Variants in ARFIP1 observed in about 807,000 individuals in gnomAD.
ARFIP1 encodes the protein arfaptin-1.
Under a neutral mutation model 42.5 loss-of-function variants are expected in ARFIP1, and 24 were observed. That is an observed-to-expected ratio of 0.57 (90% CI 0.41 to 0.80). ARFIP1 has a LOEUF of 0.80. Among genes scored for constraint, ARFIP1 ranks in the 30% least tolerant of loss-of-function variants. ARFIP1 has a pLI of 0.00. For missense variants in ARFIP1, 354 were observed against 434.0 expected, an observed-to-expected ratio of 0.82 and a Z score of 1.64; for synonymous variants, 141 against 153.7, an observed-to-expected ratio of 0.92 and a Z score of 0.61.
At chr4:152,840,713 C>CTTTTTTTT (rs764318893) in intron 2 of ARFIP1, among the ~76,000 whole-genome samples, 4 of 107,792 alleles carry the variant, frequency 3.7e-5, no homozygotes, top group Non-Finnish European at 7.3e-5. Context: ...GGCTCTGTAT[C>CTTTTTTTT]TTTTTTTTTT....
chr4:152,847,318 T>C (rs1732637421), intron 2 of ARFIP1, among the ~76,000 whole-genome samples: 1 of 151,216 alleles, frequency 6.6e-6, no homozygotes, highest in Non-Finnish European at 1.5e-5. Context: ...TTTTCAGTGG[T>C]GACAGGGTTT....
intron 2 of ARFIP1, among the ~76,000 whole-genome samples, chr4:152,857,275 C>T (rs60607606): frequency 0.014 from 2,143 of 152,222 alleles, 28 homozygotes; most frequent in African/African-American, 0.034. Context: ...TCTATTAGTG[C>T]GCTTAAACCG....
At chr4:152,862,108 G>A (rs914219180) in intron 2 of ARFIP1, among the ~76,000 whole-genome samples, 4 of 152,098 alleles carry the variant, frequency 2.6e-5, no homozygotes, top group Admixed American at 6.6e-5. Flanking sequence ...GACCTTTAGC[G>A]ACGTTGGCCA....
chr4:152,818,091 C>T (rs180864751), intron 1 of ARFIP1, among the ~76,000 whole-genome samples: 9 of 152,314 alleles, frequency 5.9e-5, no homozygotes, highest in Admixed American at 5.9e-4. Context: ...CCCAAGATGG[C>T]AGACTGGAGA....
At chr4:152,830,701 C>T (rs1168386515) in intron 2 of ARFIP1, among the ~76,000 whole-genome samples, 1 of 152,098 alleles carries the variant, frequency 6.6e-6, no homozygotes, top group Non-Finnish European at 1.5e-5. Flanking sequence ...TTGGCCTATA[C>T]ATTGTAGGAT....
intron 2 of ARFIP1, among the ~76,000 whole-genome samples, chr4:152,833,242 C>CAAAAAAAAA (rs141860697): frequency 7.3e-6 from 1 of 136,288 alleles, no homozygotes; most frequent in Non-Finnish European, 1.6e-5. Flanking sequence ...AGACATTTTT[C>CAAAAAAAAA]AAAAAAAAAA....
intron 1 of ARFIP1, chr4:152,796,341 C>T: frequency 1.3e-6 from 1 of 745,126 alleles, no homozygotes; most frequent in South Asian, 1.7e-5. Flanking sequence ...ATGAATCTTT[C>T]ATATTTAGGT....
chr4:152,804,976 G>A (rs1029873850), intron 1 of ARFIP1, among the ~76,000 whole-genome samples: 8 of 152,240 alleles, frequency 5.3e-5, no homozygotes, highest in Admixed American at 3.3e-4. Flanking sequence ...TACTTCACCA[G>A]GGTAGTTGTG....
intron 1 of ARFIP1, among the ~76,000 whole-genome samples, chr4:152,804,192 A>G (rs1352300262): frequency 2.9e-4 from 33 of 115,614 alleles, no homozygotes; most frequent in African/African-American, 1.1e-3. Flanking sequence ...TATTATATAT[A>G]ATATAACATG....
intron 1 of ARFIP1, chr4:152,795,979 G>A: frequency 2.0e-6 from 1 of 509,334 alleles, no homozygotes; most frequent in Non-Finnish European, 3.7e-6. Flanking sequence ...AGGTATAGCT[G>A]TTTGGTAGTA....
At chr4:152,825,456 C>T (rs1057299579) in intron 1 of ARFIP1, among the ~76,000 whole-genome samples, 5 of 152,134 alleles carry the variant, frequency 3.3e-5, no homozygotes, top group African/African-American at 1.2e-4. Flanking sequence ...AAAGGACACA[C>T]TATTCAATAA....
In ARFIP1 at chr4:152,839,434, A is replaced by T. The variant is rs541112517; in HGVS notation, c.93+9708A>T. Among the ~76,000 whole-genome samples, 50 of 152,132 alleles carry T rather than the reference A, an allele frequency of 3.3e-4. 1 individual carries two copies. In the South Asian group the frequency reaches 0.01, roughly 31 times the overall value. On this transcript the variant is annotated intron_variant, in intron 2 of 8. Transcript: ENST00000353617. ...CTGGACTTTTTTTGTTGGTAATTTTAAAATTACCATTTCAGTCTCACTGCT... is the reference window on the plus strand; with the variant it reads ...CTGGACTTTTTTTGTTGGTAATTTTTAAATTACCATTTCAGTCTCACTGCT...
At position 152,910,325 on chromosome 4, in the gene ARFIP1, G is replaced by A; in HGVS notation, c.*106G>A. ...AGTGGGAGGGGTGACAAGCATTATA[G>A]TGATTCTTGCACAAACAGCTTTAAT... On this transcript the variant is annotated 3_prime_UTR_variant, in exon 9 of 9. Coordinates refer to ENST00000353617, the MANE Select transcript of ARFIP1 (RefSeq NM_001025595.3). 1 of 1,299,486 alleles carries A rather than the reference G, an allele frequency of 7.7e-7. No individual in the cohort carries two copies. Among genetic ancestry groups the A allele is most frequent in the Non-Finnish European group, 1.0e-6 (1 of 955,896 alleles). The allele number at this position is 1,299,486 out of a possible 1,614,324, so 80.5% of individuals were successfully genotyped here.
At chr4:152,853,995 C>T (rs1733217419) in intron 2 of ARFIP1, among the ~76,000 whole-genome samples, 1 of 147,852 alleles carries the variant, frequency 6.8e-6, no homozygotes, top group African/African-American at 2.5e-5. Flanking sequence ...TCACTGAAAC[C>T]TCCACCTCCC....
chr4:152,825,277 C>A (rs1310089018), intron 1 of ARFIP1, among the ~76,000 whole-genome samples: 1 of 152,236 alleles, frequency 6.6e-6, no homozygotes, highest in South Asian at 2.1e-4. Context: ...AATCTAGAGG[C>A]ATCACATTAC....
chr4:152,796,005 G>A (rs936712129), intron 1 of ARFIP1: 6 of 608,400 alleles, frequency 9.9e-6, no homozygotes, highest in Admixed American at 2.2e-5. Context: ...AAACATTACA[G>A]TAATGGTAGT....
chr4:152,888,328 G>A, intron 8 of ARFIP1, 21 bp downstream of exon 8: 1 of 1,534,802 alleles, frequency 6.5e-7, no homozygotes, highest in Non-Finnish European at 8.8e-7. Flanking sequence ...TACCTTCTAA[G>A]GTCTTTCTGT....
chr4:152,810,874 C>T (rs370600474), intron 1 of ARFIP1, among the ~76,000 whole-genome samples: 2 of 151,910 alleles, frequency 1.3e-5, no homozygotes, highest in African/African-American at 4.8e-5. Context: ...TGTGCTGCTG[C>T]GTATCTCTTT....
chr4:152,884,984 A>G (rs951052177), intron 7 of ARFIP1, among the ~76,000 whole-genome samples: 1 of 152,014 alleles, frequency 6.6e-6, no homozygotes, highest in Non-Finnish European at 1.5e-5. Context: ...CAACAACAGT[A>G]ATGTTGTTTT....
Sources: gnomAD v4.1 joint callset for allele counts (sites outside exome capture counted in the v4.1 genomes callset) on GRCh38, gnomAD v4.1.1 for gene constraint, MANE v1.5 for transcripts, NCBI Gene and HGNC (gene_info 2026-07-23, HGNC 2026-07-21) for gene names.